The following PDE2A variants were observed in gnomAD, a reference collection of about 807,000 sequenced individuals.
PDE2A encodes cGMP-dependent 3',5'-cyclic phosphodiesterase.
In PDE2A, 53 loss-of-function variants were observed where a neutral mutation model predicts 133.6. That is an observed-to-expected ratio of 0.40 (90% CI 0.32 to 0.50). PDE2A has a LOEUF of 0.50. Among genes scored for constraint, PDE2A ranks in the 20% least tolerant of loss-of-function variants. The pLI, the probability that PDE2A is intolerant of heterozygous loss-of-function variation, is 0.73. For synonymous variants in PDE2A, 491 were observed against 490.2 expected (o/e 1.00, Z -0.02); for missense variants, 796 against 1,232.4 (o/e 0.65, Z 5.30).
intron 1 of PDE2A, among the ~76,000 whole-genome samples, chr11:72,670,493 G>A (rs1022563866): frequency 2.0e-5 from 3 of 152,098 alleles, no homozygotes; most frequent in Admixed American, 1.3e-4. Context: ...CCTTTCACAC[G>A]TACAGCCCAC....
At chr11:72,584,100 G>A in intron 19 of PDE2A, 101 bp downstream of exon 19, 1 of 683,092 alleles carries the variant, frequency 1.5e-6, no homozygotes, top group East Asian at 2.7e-5. Flanking sequence ...CAGACCAAGG[G>A]ATCAATCCAC....
chr11:72,655,489 CTGTGTGTGTGTGTGCACGCACG>C (rs1565194330), intron 1 of PDE2A, among the ~76,000 whole-genome samples: 1 of 151,534 alleles, frequency 6.6e-6, no homozygotes, highest in Admixed American at 6.6e-5. Flanking sequence ...AAGTGAGTGC[CTGTGTGTGTGTGTGCACGCACG>C]TGTGTGTGTG....
At chr11:72,668,977 G>A in intron 1 of PDE2A, 1 of 1,002,826 alleles carries the variant, frequency 1.0e-6, no homozygotes, top group African/African-American at 1.7e-5. Context: ...AAGTGTGGCT[G>A]ATCGTGGGTG....
At chr11:72,655,358 G>A (rs1357699190) in intron 1 of PDE2A, among the ~76,000 whole-genome samples, 1 of 152,256 alleles carries the variant, frequency 6.6e-6, no homozygotes, top group African/African-American at 2.4e-5. Context: ...GGCAGCCTGG[G>A]GACAATGAGC....
chr11:72,613,300 G>C (rs183037429), intron 2 of PDE2A, among the ~76,000 whole-genome samples: 59 of 152,072 alleles, frequency 3.9e-4, no homozygotes, highest in African/African-American at 1.3e-3. Context: ...GTCCGGCTGT[G>C]CTCTTGGGAC....
At chr11:72,604,033 AC>A (rs1459257204) in intron 4 of PDE2A, among the ~76,000 whole-genome samples, 1 of 152,180 alleles carries the variant, frequency 6.6e-6, no homozygotes, top group Non-Finnish European at 1.5e-5. Context: ...ACATCCCTGG[AC>A]CACCTGGCCT....
chr11:72,626,587 A>G (rs1168047561), intron 2 of PDE2A, among the ~76,000 whole-genome samples: 6 of 152,106 alleles, frequency 3.9e-5, no homozygotes, highest in Admixed American at 3.9e-4. Context: ...TCACCCCAGG[A>G]CTTGCTGGTA....
chr11:72,610,762 C>G (rs1410644659), intron 2 of PDE2A, among the ~76,000 whole-genome samples: 1 of 152,186 alleles, frequency 6.6e-6, no homozygotes, highest in Non-Finnish European at 1.5e-5. Context: ...AACTTCAGCA[C>G]CACACAGCCA....
chr11:72,597,609 T>C lies in PDE2A; in HGVS notation c.334A>G (p.Ile112Val). The change falls in exon 5 of 31, where the codon ATC (isoleucine) becomes GTC (valine). Residue 112 changes from isoleucine (I) to valine (V), a missense_variant. Transcript: ENST00000334456. This position sits in a 1 kb window ranked among gnomAD's most constrained non-coding sequence, Gnocchi z 4.6. ...TTGCAGCCCAGCCGCTTCTGGGAGA[T>C]GATAGCCTCCCTGAAAAGAGGACAT... is the stretch of plus-strand genomic sequence containing the variant. The part of the protein sequence containing the change: ...PQEGKVREAI[I>V]SQKRLGCNGL... 6.2e-7 allele frequency: 1 copy of C among 1,610,194 alleles called. No individual in the cohort carries two copies.
chr11:72,665,773 C>T (rs369998124), intron 1 of PDE2A, among the ~76,000 whole-genome samples: 2 of 152,208 alleles, frequency 1.3e-5, no homozygotes, highest in South Asian at 4.2e-4. Context: ...AAGGGACTGC[C>T]CTGCCACCCT....
At chr11:72,617,930 CT>C (rs1857556787) in intron 2 of PDE2A, among the ~76,000 whole-genome samples, 2 of 152,230 alleles carry the variant, frequency 1.3e-5, no homozygotes, top group South Asian at 4.1e-4. Flanking sequence ...AAGCAATCTT[CT>C]GAGTGGGGTC....
At chr11:72,621,632 T>A (rs985611278) in intron 2 of PDE2A, 1 of 152,230 alleles carries the variant, frequency 6.6e-6, no homozygotes, top group African/African-American at 2.4e-5. Flanking sequence ...CTCCCATATC[T>A]TCAGTGTTGC....
Position 72,661,134 on chromosome 11 carries a change from G to A in PDE2A, c.71+13003C>T, listed in dbSNP as rs560402458. Among the ~76,000 whole-genome samples, 42 of 152,072 alleles carry A rather than the reference G, an allele frequency of 2.8e-4. 1 individual carries two copies. In the South Asian group the frequency reaches 8.3e-3, roughly 30 times the overall value. On this transcript the variant is annotated intron_variant, in intron 1 of 30. Transcript: ENST00000334456. ...AGCCTGGCCAACATGGTGAAACCCC[G>A]TCTCTGCTAAAAATAGAAAAATTAG...
chr11:72,626,249 G>A (rs1028183258), intron 2 of PDE2A, among the ~76,000 whole-genome samples: 1 of 152,268 alleles, frequency 6.6e-6, no homozygotes, highest in African/African-American at 2.4e-5. Context: ...TCAGCCAGGG[G>A]TGTGGACAGT....
chr11:72,585,122 T>G (rs1000891861), intron 16 of PDE2A, 178 bp from the exon 17 acceptor site: 4 of 670,306 alleles, frequency 6.0e-6, no homozygotes, highest in African/African-American at 3.6e-5. Context: ...TTGTTTTTTT[T>G]TTTTTTTGGA....
intron 19 of PDE2A, 59 bp from the exon 20 acceptor site, chr11:72,583,574 C>G: frequency 8.7e-7 from 1 of 1,151,962 alleles, no homozygotes; most frequent in Non-Finnish European, 1.3e-6. Context: ...TTTAGCAATG[C>G]CCAGGACTGG....
At chr11:72,630,354 C>T (rs1021915195) in intron 2 of PDE2A, among the ~76,000 whole-genome samples, 3 of 152,002 alleles carry the variant, frequency 2.0e-5, no homozygotes, top group Admixed American at 6.5e-5. Flanking sequence ...GACAGCAGAG[C>T]GCCCTGGCAT....
intron 22 of PDE2A, 49 bp from the exon 23 acceptor site, chr11:72,581,528 A>G: frequency 6.5e-7 from 1 of 1,547,662 alleles, no homozygotes; most frequent in African/African-American, 1.4e-5. Context: ...CTCCTCCTCC[A>G]TCACGGCCCC....
In PDE2A at chr11:72,642,276, T is replaced by C; in HGVS notation, c.122A>G (p.Gln41Arg). 6.6e-7 allele frequency: 1 copy of C among 1,525,182 alleles called. No individual in the cohort carries two copies. Among genetic ancestry groups the C allele is most frequent in the Non-Finnish European group, 8.8e-7 (1 of 1,139,392 alleles). 94.5% of individuals were successfully genotyped at this position (1,525,182 alleles called of 1,614,324 possible). ...LKPDEPPPPP[Q>R]PCADSLQDAL... ...TACCTGCAGGCTGTCGGCGCATGGC[T>C]GCGGCGGCGGCGGCGGCTCGTCCGG... The change falls in exon 2 of 31, where the codon CAG becomes CGG. Residue 41 changes from glutamine to arginine, a missense_variant. Around this residue, in one of 7 missense-constraint regions of PDE2A, gnomAD observed 417 missense variants for 475.3 expected, o/e 0.88. Transcript: ENST00000334456.
Sources: allele counts gnomAD v4.1 joint callset (sites outside exome capture counted in the v4.1 genomes callset), GRCh38; gene constraint gnomAD v4.1.1; regional missense constraint gnomAD v4.1.1; non-coding constraint Gnocchi (gnomAD v3.1); transcripts MANE v1.5; gene names NCBI Gene and HGNC (gene_info 2026-07-23, HGNC 2026-07-21).